Variants in SMCHD1 observed in about 807,000 individuals in gnomAD.
SMCHD1 encodes the protein structural maintenance of chromosomes flexible hinge domain containing 1, also known as structural maintenance of chromosomes flexible hinge domain-containing protein 1.
A neutral mutation model predicts 254.7 loss-of-function variants in SMCHD1; 78 were observed. That is an observed-to-expected ratio of 0.31 (90% CI 0.26 to 0.37). The LOEUF is 0.37. Among genes scored for constraint, SMCHD1 ranks in the 10% least tolerant of loss-of-function variants. The pLI, the probability that SMCHD1 is intolerant of heterozygous loss-of-function variation, is 1.00. For synonymous variants in SMCHD1, 766 were observed against 794.9 expected (o/e 0.96, Z 0.61); for missense variants, 1,840 against 2,408.1 (o/e 0.76, Z 4.94).
intron 33 of SMCHD1, among the ~76,000 whole-genome samples, chr18:2,752,229 G>A (rs1023262895): frequency 2.6e-5 from 4 of 152,060 alleles, no homozygotes; most frequent in Admixed American, 2.6e-4. Context: ...CAATCAAGTT[G>A]GTATTATCTT....
intron 17 of SMCHD1, among the ~76,000 whole-genome samples, chr18:2,711,916 A>G (rs918597909): frequency 2.6e-5 from 4 of 152,100 alleles, no homozygotes; most frequent in Admixed American, 6.5e-5. Flanking sequence ...CTGGTTGTTA[A>G]AAAGAACCTG....
Position 2,724,611 on chromosome 18 carries a change from G to T in SMCHD1, c.2604-288G>T, listed in dbSNP as rs76390455. On this transcript the variant is annotated intron_variant, in intron 20 of 47. Coordinates refer to ENST00000320876, the MANE Select transcript of SMCHD1 (RefSeq NM_015295.3). ...TATACATGGTCTAGCATTAGATTAG[G>T]TACTACATTGTATCTTTACTAATTC... Among the ~76,000 whole-genome samples, 944 of 151,966 alleles carry T rather than the reference G, an allele frequency of 6.2e-3. 10 individuals are homozygous for T. The highest frequency in any genetic ancestry group is 0.022 in the African/African-American group (895 of 41,458).
At chr18:2,699,831 G>T (rs2074362818) in intron 10 of SMCHD1, among the ~76,000 whole-genome samples, 1 of 152,200 alleles carries the variant, frequency 6.6e-6, no homozygotes, top group Non-Finnish European at 1.5e-5. Context: ...TCTTGTGAGG[G>T]CTTTTAGGGA....
At chr18:2,782,773 G>C (rs891213198) in intron 44 of SMCHD1, among the ~76,000 whole-genome samples, 33 of 91,930 alleles carry the variant, frequency 3.6e-4, no homozygotes, top group Non-Finnish European at 6.3e-4. Context: ...AAAAAAAAAA[G>C]ATATTAAATC....
Position 2,769,660 on chromosome 18 carries a change from C to T in SMCHD1, c.4720-34C>T, listed in dbSNP as rs530519377. 5 of 1,561,746 alleles carry T rather than the reference C, an allele frequency of 3.2e-6. No homozygotes were observed. The African/African-American group carries it at 4.1e-5, about 13-fold the overall frequency. On this transcript the variant is annotated intron_variant, in intron 37 of 47. Transcript: ENST00000320876. ...TATGTTGTAAATTTTCTTTTTAAAT[C>T]TTGTTTTCCCCTATTGTTTGTTTAT...
intron 5 of SMCHD1, among the ~76,000 whole-genome samples, chr18:2,684,164 A>C (rs1304931086): frequency 2.0e-5 from 3 of 152,172 alleles, no homozygotes; most frequent in African/African-American, 7.2e-5. Flanking sequence ...TGTCAGACAT[A>C]CAAAATCTGA....
intron 44 of SMCHD1, chr18:2,778,819 T>A (rs1363632047): frequency 6.6e-6 from 1 of 152,472 alleles, no homozygotes; most frequent in Non-Finnish European, 1.5e-5. Context: ...CCAGTCATAC[T>A]GGATTAGGGC....
Position 2,722,674 on chromosome 18 carries a change from G to A in SMCHD1, c.2603+11G>A. On this transcript the variant is annotated intron_variant, in intron 20 of 47. Transcript: ENST00000320876. ...AGTTCTTGAAGCAAGGTAATTTGAA[G>A]GATCAATATGTATTTGTCCTTTGAT... 2 of 1,600,128 alleles carry A rather than the reference G, an allele frequency of 1.2e-6. No homozygotes were observed. The highest frequency in any genetic ancestry group is 1.7e-6 in the Non-Finnish European group (2 of 1,175,116).
At chr18:2,765,918 G>T (rs1289107564) in intron 37 of SMCHD1, among the ~76,000 whole-genome samples, 2 of 152,068 alleles carry the variant, frequency 1.3e-5, no homozygotes, top group Non-Finnish European at 2.9e-5. Context: ...ATTTGTGTTG[G>T]AAGAAGACAT....
chr18:2,721,470 C>T (rs2074926250), intron 19 of SMCHD1, among the ~76,000 whole-genome samples: 3 of 151,798 alleles, frequency 2.0e-5, no homozygotes, highest in Admixed American at 6.6e-5. Flanking sequence ...ATAAGATGGG[C>T]GTGCTGTAGT....
chr18:2,782,744 C>CAAAAAAAAAAAA (rs779083565), intron 44 of SMCHD1, among the ~76,000 whole-genome samples: 7 of 44,978 alleles, frequency 1.6e-4, no homozygotes, highest in African/African-American at 4.8e-4. Flanking sequence ...GACCACAACT[C>CAAAAAAAAAAAA]AAAAAAAAAA....
At chr18:2,785,436 C>T (rs533520302) in intron 45 of SMCHD1, among the ~76,000 whole-genome samples, 3 of 151,970 alleles carry the variant, frequency 2.0e-5, no homozygotes, top group South Asian at 4.2e-4. Context: ...ATCATGAGGT[C>T]AGGAGATCGA....
chr18:2,784,271 C>T (rs1296370680), intron 44 of SMCHD1, among the ~76,000 whole-genome samples, 179 bp from the exon 45 acceptor site: 1 of 152,200 alleles, frequency 6.6e-6, no homozygotes, highest in African/African-American at 2.4e-5. Flanking sequence ...TTGTCTAATT[C>T]ATCTCTCTGC....
At chr18:2,709,246 A>ATATATG (rs759808617) in intron 17 of SMCHD1, among the ~76,000 whole-genome samples, 8 of 107,450 alleles carry the variant, frequency 7.4e-5, no homozygotes, top group African/African-American at 1.2e-4. Flanking sequence ...ATATATATAT[A>ATATATG]TATACACACA....
At position 2,697,053 on chromosome 18, in the gene SMCHD1, T is replaced by G; in HGVS notation, c.1062T>G (p.Ile354Met). The G allele has an allele frequency of 6.7e-7, 1 of 1,490,998 alleles. No homozygotes were observed. The highest frequency in any genetic ancestry group is 9.0e-7 in the Non-Finnish European group (1 of 1,106,882). 92.4% of individuals were successfully genotyped at this position (1,490,998 alleles called of 1,614,324 possible). A position where few individuals can be genotyped will look rare whatever the true frequency, so the allele number is the denominator to read the frequency against. Residue 354 changes from isoleucine (I) to methionine (M), a missense_variant, in exon 9 of 48, where the codon ATT (isoleucine) becomes ATG (methionine). Physicochemically the swap from Ile to Met is conservative, Grantham distance 10. Transcript: ENST00000320876. The part of the protein sequence containing the change: ...RQLAHIYHYY[I>M]HGPKGNEIRT... ...TTAGGCATATTTATCACTACTATAT[T>G]CATGGCCCAAAAGGAAATGAAATAC... is the stretch of plus-strand genomic sequence containing the variant.
chr18:2,741,095 A>G (rs1366049822), intron 28 of SMCHD1, among the ~76,000 whole-genome samples: 2 of 152,200 alleles, frequency 1.3e-5, no homozygotes, highest in Non-Finnish European at 2.9e-5. Context: ...CATTTTATCC[A>G]TAAAGATTGT....
intron 3 of SMCHD1, among the ~76,000 whole-genome samples, chr18:2,669,150 G>A (rs1019957421): frequency 1.6e-4 from 23 of 144,762 alleles, no homozygotes; most frequent in African/African-American, 5.4e-4. Context: ...CTTTAGGACC[G>A]GCCTGGGGGA....
intron 29 of SMCHD1, among the ~76,000 whole-genome samples, chr18:2,746,582 G>GT (rs1436294693): frequency 2.6e-5 from 4 of 152,054 alleles, no homozygotes; most frequent in Admixed American, 6.6e-5. Flanking sequence ...AGGGTGTTTG[G>GT]TTTTTTTCAT....
intron 41 of SMCHD1, among the ~76,000 whole-genome samples, chr18:2,774,321 T>G (rs1017707870): frequency 6.6e-6 from 1 of 152,224 alleles, no homozygotes; most frequent in Admixed American, 6.5e-5. Context: ...TTCGTTTACA[T>G]GTACTAGTTT....
Sources: allele counts gnomAD v4.1 joint callset (sites outside exome capture counted in the v4.1 genomes callset), GRCh38; gene constraint gnomAD v4.1.1; transcripts MANE v1.5; gene names NCBI Gene and HGNC (gene_info 2026-07-23, HGNC 2026-07-21).